The following ZNF385D variants were observed in gnomAD, a reference collection of about 807,000 sequenced individuals.
The protein encoded by ZNF385D is zinc finger protein 385D.
A neutral mutation model predicts 35.8 loss-of-function variants in ZNF385D; 15 were observed. The ratio of observed to expected loss-of-function variants is 0.42; its 90% CI spans 0.28 to 0.64. The LOEUF (loss-of-function observed/expected upper bound fraction) is 0.64. Among genes scored for constraint, ZNF385D ranks in the 30% least tolerant of loss-of-function variants. The pLI, the probability that ZNF385D is intolerant of heterozygous loss-of-function variation, is 0.23. For synonymous variants in ZNF385D, 212 were observed against 186.8 expected (o/e 1.13, Z -1.10); for missense variants, 474 against 494.6 (o/e 0.96, Z 0.39).
At chr3:22,013,801 G>C (rs76773113) in intron 3 of ZNF385D, among the ~76,000 whole-genome samples, 4,011 of 152,182 alleles carry the variant, frequency 0.026, 89 homozygotes, top group Middle Eastern at 0.092. Context: ...TTACAGAGGA[G>C]ACTCATTCTC....
chr3:22,147,165 T>C (rs181008558), intron 3 of ZNF385D, among the ~76,000 whole-genome samples: 29 of 152,290 alleles, frequency 1.9e-4, no homozygotes, highest in Admixed American at 3.3e-4. Flanking sequence ...AGCCATGGTG[T>C]TAGAATCAAA....
At chr3:22,179,824 A>G (rs1026363624) in intron 2 of ZNF385D, among the ~76,000 whole-genome samples, 3 of 152,204 alleles carry the variant, frequency 2.0e-5, no homozygotes, top group Non-Finnish European at 4.4e-5. Flanking sequence ...AATGCCCACA[A>G]GAGAAAGCAG....
intron 3 of ZNF385D, among the ~76,000 whole-genome samples, chr3:21,779,611 T>A (rs1168454198): frequency 6.6e-6 from 1 of 152,028 alleles, no homozygotes; most frequent in African/African-American, 2.4e-5. Context: ...TTGAGTTCTA[T>A]CTTAGAGAAA....
chr3:21,694,130 G>A lies in ZNF385D; in HGVS notation c.23-29102C>T, dbSNP rs565051614. Among the ~76,000 whole-genome samples, 90 of 136,714 alleles carry A rather than the reference G, an allele frequency of 6.6e-4. No individual in the cohort carries two copies. In the Middle Eastern group the frequency reaches 0.023, roughly 35 times the overall value. The allele number at this position is 136,714 out of a possible 152,430, so 89.7% of individuals were successfully genotyped here. A position where few individuals can be genotyped will look rare whatever the true frequency, so the allele number is the denominator to read the frequency against. On this transcript the variant is annotated intron_variant, in intron 1 of 7. Coordinates refer to ENST00000281523, the MANE Select transcript of ZNF385D (RefSeq NM_024697.3). ...GCGATCTCGGCTCACTGCAAGCTCC[G>A]CCTCCCGGGTTCAAGCCATTCTCCT...
At chr3:21,788,537 T>C (rs2071795349) in intron 3 of ZNF385D, among the ~76,000 whole-genome samples, 1 of 152,254 alleles carries the variant, frequency 6.6e-6, no homozygotes, top group Admixed American at 6.5e-5. Flanking sequence ...GTTCTCATTT[T>C]CAGTGTCCTG....
At chr3:21,689,817 T>A (rs1454394976) in intron 1 of ZNF385D, among the ~76,000 whole-genome samples, 3 of 151,726 alleles carry the variant, frequency 2.0e-5, no homozygotes, top group Non-Finnish European at 4.4e-5. Flanking sequence ...TTTGGAGACC[T>A]TGAGGATCAC....
intron 2 of ZNF385D, among the ~76,000 whole-genome samples, chr3:21,590,386 T>G (rs1575266337): frequency 6.6e-6 from 1 of 152,186 alleles, no homozygotes; most frequent in Non-Finnish European, 1.5e-5. Context: ...AATGTTTAAT[T>G]TTTTAAGTTG....
chr3:21,814,586 AG>A (rs1406816123), intron 3 of ZNF385D, among the ~76,000 whole-genome samples: 1 of 152,210 alleles, frequency 6.6e-6, no homozygotes, highest in East Asian at 1.9e-4. Flanking sequence ...GAGACAAAGA[AG>A]GCCATTACAT....
At chr3:21,446,946 C>G (rs182966737) in intron 4 of ZNF385D, among the ~76,000 whole-genome samples, 2 of 152,278 alleles carry the variant, frequency 1.3e-5, no homozygotes, top group Admixed American at 1.3e-4. Flanking sequence ...TAAGAATAAA[C>G]TTTTCTCTCC....
At chr3:21,943,341 G>A (rs911087108) in intron 3 of ZNF385D, among the ~76,000 whole-genome samples, 10 of 151,206 alleles carry the variant, frequency 6.6e-5, no homozygotes, top group African/African-American at 9.7e-5. Context: ...TATATATAGC[G>A]AGTGAGAAAG....
At chr3:22,019,981 C>T (rs113657305) in intron 3 of ZNF385D, among the ~76,000 whole-genome samples, 36 of 151,688 alleles carry the variant, frequency 2.4e-4, no homozygotes, top group Non-Finnish European at 4.4e-4. Context: ...AAGATAACTT[C>T]GTGTAATAAA....
intron 3 of ZNF385D, among the ~76,000 whole-genome samples, chr3:21,850,684 G>A (rs933778663): frequency 6.6e-6 from 1 of 152,102 alleles, no homozygotes; most frequent in African/African-American, 2.4e-5. Context: ...GTGGTTGAGA[G>A]ATGTTAAAAC....
At chr3:22,209,851 T>C (rs1484469703) in intron 2 of ZNF385D, among the ~76,000 whole-genome samples, 1 of 151,868 alleles carries the variant, frequency 6.6e-6, no homozygotes, top group Admixed American at 6.6e-5. Context: ...AAGCTAACTG[T>C]ATATTCAGCC....
At chr3:22,298,890 A>G (rs1702750704) in intron 2 of ZNF385D, among the ~76,000 whole-genome samples, 1 of 151,946 alleles carries the variant, frequency 6.6e-6, no homozygotes, top group African/African-American at 2.4e-5. Context: ...AATTCATATA[A>G]TGATGACTGT....
chr3:22,030,285 A>ATATATGTATG lies in ZNF385D; in HGVS notation c.325+138531_325+138532insCATACATATA, dbSNP rs1553591345. Among the ~76,000 whole-genome samples, 53 of 86,708 alleles carry ATATATGTATG rather than the reference A, an allele frequency of 6.1e-4. 1 individual carries two copies. The highest frequency in any genetic ancestry group is 1.4e-3 in the African/African-American group (25 of 17,446). The allele number at this position is 86,708 out of a possible 152,430, so 56.9% of individuals were successfully genotyped here. A position where few individuals can be genotyped will look rare whatever the true frequency, so the allele number is the denominator to read the frequency against. On this transcript the variant is annotated intron_variant, in intron 3 of 5. Transcript: ENST00000494108. Reference sequence around the variant, plus strand: ...TATATATATATATATATATATATATATATATATATATATATATCCTATTTG... The same window carrying ATATATGTATG: ...TATATATATATATATATATATATATATATATGTATGTATATATATATATATATCCTATTTG...
At chr3:21,481,706 T>C (rs1704640261) in intron 4 of ZNF385D, among the ~76,000 whole-genome samples, 1 of 152,270 alleles carries the variant, frequency 6.6e-6, no homozygotes, top group African/African-American at 2.4e-5. Flanking sequence ...AGATAGCTTC[T>C]AATTTTTAAG....
intron 2 of ZNF385D, among the ~76,000 whole-genome samples, chr3:22,312,767 G>T (rs1054482058): frequency 1.3e-5 from 2 of 148,282 alleles, no homozygotes; most frequent in African/African-American, 5.0e-5. Flanking sequence ...TGCTGGAGAG[G>T]ATGTGGAGAA....
chr3:21,930,288 A>AC (rs1017945544), intron 3 of ZNF385D, among the ~76,000 whole-genome samples: 7 of 151,808 alleles, frequency 4.6e-5, no homozygotes, highest in African/African-American at 1.5e-4. Flanking sequence ...AAAAAAAAAA[A>AC]AACTAGAAAC....
intron 3 of ZNF385D, among the ~76,000 whole-genome samples, chr3:22,063,924 G>A (rs911334951): frequency 1.3e-5 from 2 of 152,196 alleles, no homozygotes; most frequent in African/African-American, 2.4e-5. Context: ...CATCTGCCCA[G>A]TCTTTCCTCC....
Sources: allele counts gnomAD v4.1 joint callset (sites outside exome capture counted in the v4.1 genomes callset), GRCh38; gene constraint gnomAD v4.1.1; transcripts MANE v1.5; gene names NCBI Gene and HGNC (gene_info 2026-07-23, HGNC 2026-07-21).